Variants in DDAH1 observed in about 807,000 individuals in gnomAD.
The protein encoded by DDAH1 is N(G),N(G)-dimethylarginine dimethylaminohydrolase 1.
A neutral mutation model predicts 28.8 loss-of-function variants in DDAH1; 19 were observed. The ratio of observed to expected loss-of-function variants is 0.66; its 90% CI spans 0.46 to 0.97. The LOEUF is 0.97. Among genes scored for constraint, DDAH1 ranks in the 50% least tolerant of loss-of-function variants. DDAH1 has a pLI of 0.00. For missense variants in DDAH1, 326 were observed against 375.9 expected (o/e 0.87, Z 1.10); for synonymous variants, 153 against 154.4 (o/e 0.99, Z 0.07).
At chr1:85,564,212 G>A (rs539635084) in intron 1 of DDAH1, among the ~76,000 whole-genome samples, 1 of 145,802 alleles carries the variant, frequency 6.9e-6, no homozygotes, top group Non-Finnish European at 1.5e-5. Context: ...TACAATGTCT[G>A]AGATAAAAAA....
chr1:85,491,835 G>T (rs191153957), intron 2 of DDAH1, among the ~76,000 whole-genome samples: 16 of 152,146 alleles, frequency 1.1e-4, no homozygotes, highest in African/African-American at 3.1e-4. Context: ...TCTCAATAAG[G>T]CTTGTTCAAA....
intron 1 of DDAH1, among the ~76,000 whole-genome samples, chr1:85,405,570 C>T (rs994659934): frequency 4.6e-5 from 7 of 152,074 alleles, no homozygotes; most frequent in Non-Finnish European, 1.0e-4. Flanking sequence ...AAGGCATGGT[C>T]CATTCCCTGC....
intron 1 of DDAH1, among the ~76,000 whole-genome samples, chr1:85,442,306 G>T (rs1654234536): frequency 6.6e-6 from 1 of 152,124 alleles, no homozygotes; most frequent in African/African-American, 2.4e-5. Flanking sequence ...GTGATAGTTT[G>T]CTGAGAATGA....
chr1:85,405,490 C>T (rs934918085), intron 1 of DDAH1, among the ~76,000 whole-genome samples: 2 of 152,122 alleles, frequency 1.3e-5, no homozygotes, highest in Non-Finnish European at 2.9e-5. Context: ...GGAGGTCACA[C>T]CTTATTTTTT....
At chr1:85,389,683 G>A (rs1651450068) in intron 1 of DDAH1, among the ~76,000 whole-genome samples, 1 of 152,166 alleles carries the variant, frequency 6.6e-6, no homozygotes, top group South Asian at 2.1e-4. Flanking sequence ...AACAGGAGAT[G>A]CTAACAAGTT....
chr1:85,519,146 T>G (rs185077053), intron 1 of DDAH1, among the ~76,000 whole-genome samples: 41 of 130,942 alleles, frequency 3.1e-4, no homozygotes, highest in Middle Eastern at 9.8e-3. Context: ...CAGGCTGGAG[T>G]GCAGTGGCAT....
At chr1:85,323,038 T>G (rs1042649810) in intron 5 of DDAH1, among the ~76,000 whole-genome samples, 19 of 152,306 alleles carry the variant, frequency 1.2e-4, no homozygotes, top group African/African-American at 4.6e-4. Flanking sequence ...TAAGCCCCAG[T>G]TCTGGGTCAG....
chr1:85,533,181 T>A (rs1309085992), intron 1 of DDAH1, among the ~76,000 whole-genome samples: 1 of 152,202 alleles, frequency 6.6e-6, no homozygotes, highest in Non-Finnish European at 1.5e-5. Context: ...ACACCAAGTA[T>A]TAATTTTCAC....
intron 1 of DDAH1, among the ~76,000 whole-genome samples, chr1:85,462,877 T>C (rs1655188067): frequency 6.6e-6 from 1 of 152,250 alleles, no homozygotes; most frequent in African/African-American, 2.4e-5. Flanking sequence ...CATCAGTGTA[T>C]AGCTGACTTC....
chr1:85,560,643 A>G (rs1659111097), intron 1 of DDAH1, among the ~76,000 whole-genome samples: 1 of 152,098 alleles, frequency 6.6e-6, no homozygotes, highest in African/African-American at 2.4e-5. Flanking sequence ...CCCCAGAGCA[A>G]TCAATTAAAA....
At chr1:85,497,155 A>G (rs1271737364) in intron 1 of DDAH1, among the ~76,000 whole-genome samples, 1 of 152,240 alleles carries the variant, frequency 6.6e-6, no homozygotes, top group Non-Finnish European at 1.5e-5. Context: ...AACAACTGGA[A>G]GGCCAGCCAC....
intron 2 of DDAH1, among the ~76,000 whole-genome samples, chr1:85,478,140 A>T (rs1655865205): frequency 1.3e-5 from 2 of 152,178 alleles, no homozygotes; most frequent in Non-Finnish European, 2.9e-5. Context: ...CTGACAGATA[A>T]ATCATTTTGG....
At chr1:85,374,934 A>C (rs1650579904) in intron 1 of DDAH1, among the ~76,000 whole-genome samples, 1 of 152,180 alleles carries the variant, frequency 6.6e-6, no homozygotes, top group Non-Finnish European at 1.5e-5. Flanking sequence ...AGAGTACTTC[A>C]AGACCTAACC....
At chr1:85,524,848 G>GT (rs1657809696) in intron 1 of DDAH1, among the ~76,000 whole-genome samples, 1 of 147,742 alleles carries the variant, frequency 6.8e-6, no homozygotes, top group Non-Finnish European at 1.5e-5. Flanking sequence ...TAGGAAATCA[G>GT]TGATGCATAG....
chr1:85,398,693 C>T (rs1189063389), intron 1 of DDAH1: 2 of 152,188 alleles, frequency 1.3e-5, no homozygotes, highest in Non-Finnish European at 2.9e-5. Flanking sequence ...GACAGCTTTT[C>T]CCAAGGCCAT....
Position 85,353,037 on chromosome 1 carries a change from G to A in DDAH1, c.404-1458C>T, listed in dbSNP as rs561944039. Among the ~76,000 whole-genome samples, 12 of 152,214 alleles carry A rather than the reference G, an allele frequency of 7.9e-5. No homozygotes were observed. In the South Asian group the frequency reaches 2.5e-3, roughly 32 times the overall value. The stretch of plus-strand genomic sequence containing the variant: ...TCTGACCTCTAAAAGCCGTGTCTTT[G>A]AAACTACACATTCCATATATTTGAA... On this transcript the variant is annotated intron_variant, in intron 2 of 5. Transcript: ENST00000284031.
chr1:85,570,974 T>G (rs1281157589), intron 1 of DDAH1, among the ~76,000 whole-genome samples: 2 of 152,208 alleles, frequency 1.3e-5, no homozygotes, highest in African/African-American at 4.8e-5. Context: ...AGGACGGAAC[T>G]TGGAGTCAGA....
At position 85,491,043 on chromosome 1, in the gene DDAH1, A is replaced by ACTCTTTTTTTTTTTT. The variant is rs1557686884; in HGVS notation, c.-7+5122_-7+5123insAAAAAAAAAAAAGAG. ...TCTTCTAATGACAACAGTAACATGT[A>ACTCTTTTTTTTTTTT]TTCTTTTTTTTTTTTTTTTTTTTGA... On this transcript the variant is annotated intron_variant, in intron 2 of 6. Coordinates refer to the DDAH1 transcript ENST00000426972. Among the ~76,000 whole-genome samples, 8 of 79,340 alleles carry ACTCTTTTTTTTTTTT rather than the reference A, an allele frequency of 1.0e-4. 4 individuals carry two copies. Among genetic ancestry groups the ACTCTTTTTTTTTTTT allele is most frequent in the African/African-American group, 1.1e-4 (2 of 18,950 alleles). 52.1% of individuals were successfully genotyped at this position (79,340 alleles called of 152,430 possible).
intron 4 of DDAH1, among the ~76,000 whole-genome samples, chr1:85,337,314 T>C (rs1648193991): frequency 6.6e-6 from 1 of 152,236 alleles, no homozygotes; most frequent in African/African-American, 2.4e-5. Flanking sequence ...TATCACACTA[T>C]TACAAGTGCA....
Sources: allele counts gnomAD v4.1 joint callset (sites outside exome capture counted in the v4.1 genomes callset), GRCh38; gene constraint gnomAD v4.1.1; transcripts MANE v1.5; gene names NCBI Gene and HGNC (gene_info 2026-07-23, HGNC 2026-07-21).